The following NEMP1 variants were observed in gnomAD, a reference collection of about 807,000 sequenced individuals.
NEMP1 encodes nuclear envelope integral membrane protein 1, also known as transmembrane protein 194.
NEMP1 carries 29 observed loss-of-function variants against 53.7 expected under a neutral mutation model. The observed-to-expected ratio is 0.54, with a 90% confidence interval of 0.40 to 0.74. NEMP1 has a LOEUF of 0.74. NEMP1 is among the 30% of genes least tolerant of loss of function. The pLI is 0.00. For synonymous variants in NEMP1, 193 were observed against 192.9 expected (o/e 1.00, Z 0.00); for missense variants, 477 against 528.6 (o/e 0.90, Z 0.96).
Position 57,060,864 on chromosome 12 carries a change from T to C in NEMP1, c.1062A>G (p.Glu354=). ...EEEYRIQGEV[E]TRKALEELRE... ...GGAGCTCCTCTAAAGCCTTTCGGGTTTCTACCTCTCCTTGTATCCGATATT... is the reference window on the plus strand; with the variant it reads ...GGAGCTCCTCTAAAGCCTTTCGGGTCTCTACCTCTCCTTGTATCCGATATT... The change falls in exon 8 of 9, where the codon GAA becomes GAG. Residue 354 remains glutamate, a synonymous_variant. Transcript: ENST00000300128. The C allele has an allele frequency of 1.9e-6, 3 of 1,614,206 alleles. No homozygotes were observed. Among genetic ancestry groups the C allele is most frequent in the Non-Finnish European group, 2.5e-6 (3 of 1,180,022 alleles).
At chr12:57,080,549 A>T (rs1314037539), upstream of NEMP1, among the ~76,000 whole-genome samples, 1 of 147,624 alleles carries the variant, frequency 6.8e-6, no homozygotes, top group Non-Finnish European at 1.5e-5. Context: ...ATTGCACTCC[A>T]GACTGGGTGA....
At chr12:57,086,475 A>T (rs1311920102) in intron 1 of NEMP1, among the ~76,000 whole-genome samples, 1 of 151,972 alleles carries the variant, frequency 6.6e-6, no homozygotes, top group African/African-American at 2.4e-5. Flanking sequence ...GGTCCCATGC[A>T]GGAAACAAAT....
At position 57,072,914 on chromosome 12, in the gene NEMP1, T is replaced by C; in HGVS notation, c.128-2A>G. The C allele has an allele frequency of 6.2e-7, 1 of 1,603,148 alleles. No individual in the cohort carries two copies. Among genetic ancestry groups the C allele is most frequent in the Non-Finnish European group, 8.5e-7 (1 of 1,174,930 alleles). ...TGACCACATTTACATCAGTTTCAGC[T>C]TTATGCAAAGAAAGGAAACAAGAAT... On this transcript the variant is annotated splice_acceptor_variant, in intron 1 of 8. Coordinates refer to ENST00000300128, the MANE Select transcript of NEMP1 (RefSeq NM_001130963.2). LOFTEE classifies it high-confidence loss of function.
chr12:57,088,391 C>G (rs946637905), upstream of NEMP1, among the ~76,000 whole-genome samples: 3 of 152,200 alleles, frequency 2.0e-5, no homozygotes, highest in African/African-American at 7.2e-5. Context: ...GCGGGGATAT[C>G]TAGGAGATCC....
chr12:57,074,810 G>T (rs1216822598), intron 1 of NEMP1, among the ~76,000 whole-genome samples: 3 of 152,126 alleles, frequency 2.0e-5, no homozygotes, highest in African/African-American at 7.2e-5. Context: ...CTGTCCAGCC[G>T]GGCATGGTGG....
At chr12:57,076,589 C>T (rs1225596332) in intron 1 of NEMP1, among the ~76,000 whole-genome samples, 3 of 151,346 alleles carry the variant, frequency 2.0e-5, no homozygotes, top group East Asian at 3.9e-4. Flanking sequence ...GGGCAGATCA[C>T]GAGGTCAGGA....
Position 57,058,272 on chromosome 12 carries a change from T to C in NEMP1, c.*1607A>G, listed in dbSNP as rs557759034. On this transcript the variant is annotated 3_prime_UTR_variant, in exon 9 of 9. Coordinates refer to ENST00000300128, the MANE Select transcript of NEMP1 (RefSeq NM_001130963.2). ...GAGCTGACCCTTTGGAAGTCTGCAA[T>C]GGAGCTAGGCCTTTCAAAATTACCA... 2.0e-5 allele frequency: 3 copies of C among 152,310 alleles called. No homozygotes were observed. Among genetic ancestry groups the C allele is most frequent in the African/African-American group, 7.2e-5 (3 of 41,566 alleles). 9.4% of individuals were successfully genotyped at this position (152,310 alleles called of 1,614,324 possible).
In NEMP1 at chr12:57,058,493, A is replaced by G. The variant is rs139692225; in HGVS notation, c.*1386T>C. The G allele has an allele frequency of 6.6e-6, 1 of 152,374 alleles. No individual in the cohort carries two copies. Among genetic ancestry groups the G allele is most frequent in the East Asian group, 1.9e-4 (1 of 5,192 alleles). 9.4% of individuals were successfully genotyped at this position (152,374 alleles called of 1,614,324 possible). A position where few individuals can be genotyped will look rare whatever the true frequency, so the allele number is the denominator to read the frequency against. ...AGAAAAAGAACCAAGTAAATGACAG[A>G]CACTTGAGAATTTGCTTCCTCACAG... On this transcript the variant is annotated 3_prime_UTR_variant, in exon 9 of 9. Transcript: ENST00000300128.
upstream of NEMP1, chr12:57,078,893 T>C (rs1592521151): frequency 2.4e-6 from 2 of 829,486 alleles, no homozygotes; most frequent in East Asian, 2.7e-5. Flanking sequence ...CCAAGGGCCC[T>C]ATGAGTCCCG....
intron 6 of NEMP1, 133 bp from the exon 7 acceptor site, chr12:57,063,477 C>T: frequency 1.4e-6 from 1 of 709,804 alleles, no homozygotes; most frequent in Non-Finnish European, 2.3e-6. Flanking sequence ...TAATTTTTCA[C>T]ACTTTTTTCT....
chr12:57,083,620 T>C (rs2136529797), upstream of NEMP1, among the ~76,000 whole-genome samples: 1 of 152,344 alleles, frequency 6.6e-6, no homozygotes, highest in South Asian at 2.1e-4. Flanking sequence ...AACAAATTAA[T>C]ATTTCTGGAA....
At chr12:57,072,671 A>G in intron 2 of NEMP1, 117 bp downstream of exon 2, 1 of 1,159,796 alleles carries the variant, frequency 8.6e-7, no homozygotes. Flanking sequence ...AACCCTAACA[A>G]GATTGTTAAC....
At chr12:57,071,812 G>C (rs758430260) in intron 2 of NEMP1, among the ~76,000 whole-genome samples, 1 of 151,268 alleles carries the variant, frequency 6.6e-6, no homozygotes, top group Non-Finnish European at 1.5e-5. Flanking sequence ...GTGACTGAGC[G>C]AGACTCCGTC....
At chr12:57,076,143 T>C (rs978451983) in intron 1 of NEMP1, among the ~76,000 whole-genome samples, 1 of 151,860 alleles carries the variant, frequency 6.6e-6, no homozygotes, top group Non-Finnish European at 1.5e-5. Context: ...TTCACAAACT[T>C]ACAACAATGA....
intron 6 of NEMP1, 60 bp downstream of exon 6, chr12:57,064,011 T>C: frequency 9.9e-7 from 1 of 1,011,802 alleles, no homozygotes; most frequent in Non-Finnish European, 1.5e-6. Flanking sequence ...CTTTTCATGA[T>C]CAAATTAACT....
chr12:57,068,588 T>G (rs567750682), intron 4 of NEMP1, among the ~76,000 whole-genome samples: 1 of 152,016 alleles, frequency 6.6e-6, no homozygotes, highest in African/African-American at 2.4e-5. Context: ...TTTTTTGAGA[T>G]GGAGTCTTGC....
intron 4 of NEMP1, 72 bp from the exon 5 acceptor site, chr12:57,064,811 C>T (rs1274771456): frequency 9.2e-7 from 1 of 1,086,522 alleles, no homozygotes; most frequent in Non-Finnish European, 1.4e-6. Context: ...ACTAGGACAA[C>T]TAACCCAGCC....
chr12:57,063,413 C>A (rs1387792300), intron 6 of NEMP1, 69 bp from the exon 7 acceptor site: 1 of 1,329,496 alleles, frequency 7.5e-7, no homozygotes, highest in African/African-American at 1.5e-5. Context: ...GTGTGGGAAG[C>A]AGTAGTTAAT....
chr12:57,073,466 C>G (rs564326989), intron 1 of NEMP1, among the ~76,000 whole-genome samples: 1 of 151,480 alleles, frequency 6.6e-6, no homozygotes, highest in Non-Finnish European at 1.5e-5. Flanking sequence ...ATGGAGAAAC[C>G]CCCCCGTCTC....
Sources: gnomAD v4.1 joint callset for allele counts (sites outside exome capture counted in the v4.1 genomes callset) on GRCh38, gnomAD v4.1.1 for gene constraint, MANE v1.5 for transcripts, NCBI Gene and HGNC (gene_info 2026-07-23, HGNC 2026-07-21) for gene names.